BICD1: variants seen among roughly 807,000 people sequenced by gnomAD.
BICD1 encodes protein bicaudal D homolog 1.
In BICD1, 35 loss-of-function variants were observed where a neutral mutation model predicts 92.5. That is an observed-to-expected ratio of 0.38 (90% confidence interval 0.29 to 0.50). The LOEUF (loss-of-function observed/expected upper bound fraction) is 0.50. Among genes scored for constraint, BICD1 ranks in the 20% least tolerant of loss-of-function variants. The pLI, the probability that BICD1 is intolerant of heterozygous loss-of-function variation, is 0.93. For synonymous variants in BICD1, 429 were observed against 465.1 expected (o/e 0.92, Z 1.00); for missense variants, 950 against 1,189.8 (o/e 0.80, Z 2.97).
At chr12:32,339,486 T>G in intron 8 of BICD1, 2 of 985,500 alleles carry the variant, frequency 2.0e-6, no homozygotes, top group African/African-American at 3.5e-5. Context: ...CAAGAACATT[T>G]AGGTCTTAGT....
At chr12:32,376,647 C>T (rs990502395) in intron 9 of BICD1, among the ~76,000 whole-genome samples, 11 of 151,936 alleles carry the variant, frequency 7.2e-5, no homozygotes, top group African/African-American at 2.7e-4. Flanking sequence ...GCAGGTGGAT[C>T]ACCAGAGGTC....
chr12:32,138,125 GCTTGTGTTCATTGCCTAC>G, intron 1 of BICD1, among the ~76,000 whole-genome samples: 1 of 152,142 alleles, frequency 6.6e-6, no homozygotes, highest in Admixed American at 6.5e-5. Context: ...AAAATAGCTC[GCTTGTGTTCATTGCCTAC>G]CACATACTGG....
chr12:32,141,208 A>G (rs898542693), intron 1 of BICD1, among the ~76,000 whole-genome samples: 8 of 152,222 alleles, frequency 5.3e-5, no homozygotes, highest in Admixed American at 2.6e-4. Context: ...AATTCAAACA[A>G]GACAGCGTTT....
chr12:32,279,641 G>T (rs767117176), intron 2 of BICD1, among the ~76,000 whole-genome samples: 8 of 152,222 alleles, frequency 5.3e-5, no homozygotes, highest in African/African-American at 1.7e-4. Context: ...TCAAGGTTTT[G>T]CTTATGATAA....
In BICD1 at chr12:32,235,702, C is replaced by CTTT. The variant is rs112596407; in HGVS notation, c.426+19258_426+19260dup. ...TACAGTATTTCAAACTTTTTCTTTT[C>CTTT]TTTTTTTTTTTTTTTTTAGACAGAG... is the stretch of plus-strand genomic sequence containing the variant. On this transcript the variant is annotated intron_variant, in intron 2 of 9. Transcript: ENST00000652176. 2.1e-4 allele frequency among the ~76,000 whole-genome samples: 28 copies of CTTT among 135,096 alleles called. No individual in the cohort carries two copies. The South Asian group carries it at 5.5e-3, about 27-fold the overall frequency. The allele number at this position is 135,096 out of a possible 152,430, so 88.6% of individuals were successfully genotyped here.
chr12:32,238,883 G>A (rs1565609913), intron 2 of BICD1, among the ~76,000 whole-genome samples: 1 of 147,164 alleles, frequency 6.8e-6, no homozygotes, highest in Non-Finnish European at 1.5e-5. Flanking sequence ...GGTGGAGGTT[G>A]CAGTGAGCCG....
chr12:32,256,235 A>G (rs992932874), intron 2 of BICD1, among the ~76,000 whole-genome samples: 5 of 152,126 alleles, frequency 3.3e-5, no homozygotes, highest in Admixed American at 3.3e-4. Flanking sequence ...TAATTTTTTG[A>G]GACGGGTTTT....
At chr12:32,301,777 A>G (rs1948053793) in intron 3 of BICD1, among the ~76,000 whole-genome samples, 1 of 152,196 alleles carries the variant, frequency 6.6e-6, no homozygotes, top group Non-Finnish European at 1.5e-5. Flanking sequence ...CCTGTCACAA[A>G]CAAACAAACA....
intron 8 of BICD1, among the ~76,000 whole-genome samples, chr12:32,349,706 C>G (rs1306825013): frequency 6.6e-6 from 1 of 151,952 alleles, no homozygotes; most frequent in Non-Finnish European, 1.5e-5. Context: ...TTTCTTCCCC[C>G]CTAAAAAAAG....
intron 1 of BICD1, among the ~76,000 whole-genome samples, chr12:32,131,334 C>A (rs894455192): frequency 6.6e-6 from 1 of 151,986 alleles, no homozygotes; most frequent in African/African-American, 2.4e-5. Context: ...GATTTGTGAG[C>A]CTTTTTGACA....
At chr12:32,165,682 CAAAA>C (rs35023796) in intron 1 of BICD1, among the ~76,000 whole-genome samples, 4 of 128,108 alleles carry the variant, frequency 3.1e-5, no homozygotes, top group Non-Finnish European at 1.7e-5. Context: ...GACTCTGTCT[CAAAA>C]AAAAAAAAAA....
At chr12:32,198,330 C>CTATCTATATATATA (rs1555145675) in intron 1 of BICD1, among the ~76,000 whole-genome samples, 4 of 117,778 alleles carry the variant, frequency 3.4e-5, no homozygotes, top group African/African-American at 9.7e-5. Flanking sequence ...ATGCATCTAT[C>CTATCTATATATATA]TATATATATA....
Position 32,344,158 on chromosome 12 carries a change from G to A in BICD1, c.2764+5179G>A, listed in dbSNP as rs140269821. Among the ~76,000 whole-genome samples, 807 of 152,302 alleles carry A rather than the reference G, an allele frequency of 5.3e-3. 6 individuals are homozygous for A. Among genetic ancestry groups the A allele is most frequent in the African/African-American group, 0.019 (774 of 41,562 alleles). ...ATTCCTGAAATAAATAAAGGAATTA[G>A]GATGGTTAGGAACGTCCTTCCAGAA... On this transcript the variant is annotated intron_variant, in intron 8 of 9. Transcript: ENST00000652176.
chr12:32,298,609 G>T (rs1263605864), intron 3 of BICD1, among the ~76,000 whole-genome samples: 1 of 147,510 alleles, frequency 6.8e-6, no homozygotes, highest in Non-Finnish European at 1.5e-5. Context: ...GGTGGCTCAT[G>T]CCTGTAATCC....
chr12:32,345,349 T>G (rs1047072886), intron 8 of BICD1, among the ~76,000 whole-genome samples: 1 of 152,100 alleles, frequency 6.6e-6, no homozygotes, highest in Non-Finnish European at 1.5e-5. Context: ...AATACATTTT[T>G]ATACTTGCTG....
chr12:32,368,716 AAT>A (rs1312070024), intron 9 of BICD1, among the ~76,000 whole-genome samples: 1 of 152,130 alleles, frequency 6.6e-6, no homozygotes, highest in Admixed American at 6.5e-5. Context: ...AAAATTAAAA[AAT>A]ATATATCTCA....
At chr12:32,180,232 C>T (rs1387031051) in intron 1 of BICD1, among the ~76,000 whole-genome samples, 9 of 151,820 alleles carry the variant, frequency 5.9e-5, no homozygotes, top group African/African-American at 1.9e-4. Flanking sequence ...TTAAAGAATC[C>T]AGAGGATTTC....
chr12:32,130,208 A>ATT (rs35138376), intron 1 of BICD1, among the ~76,000 whole-genome samples: 18 of 147,380 alleles, frequency 1.2e-4, no homozygotes, highest in East Asian at 2.0e-4. Context: ...CAGTGACAAA[A>ATT]TTTTTTTTTT....
At chr12:32,357,172 C>T (rs1168765550) in intron 8 of BICD1, among the ~76,000 whole-genome samples, 2 of 152,010 alleles carry the variant, frequency 1.3e-5, no homozygotes, top group East Asian at 1.9e-4. Context: ...CCACCACGCC[C>T]GGATAATTTT....
Sources: allele counts gnomAD v4.1 joint callset (sites outside exome capture counted in the v4.1 genomes callset), GRCh38; gene constraint gnomAD v4.1.1; transcripts MANE v1.5; gene names NCBI Gene and HGNC (gene_info 2026-07-23, HGNC 2026-07-21).